The following PPP2R2B variants were observed in gnomAD, a reference collection of about 807,000 sequenced individuals.
PPP2R2B encodes protein phosphatase 2 regulatory subunit Bbeta.
PPP2R2B carries 5 observed loss-of-function variants against 46.0 expected under a neutral mutation model. The observed-to-expected ratio is 0.11, with a 90% CI of 0.06 to 0.23. PPP2R2B has a LOEUF of 0.23. Ranked by LOEUF, PPP2R2B falls within the 10% of genes least tolerant of loss-of-function variation. PPP2R2B has a pLI of 1.00. For missense variants in PPP2R2B, 367 were observed against 575.0 expected (o/e 0.64, Z 3.70); for synonymous variants, 215 against 206.7 (o/e 1.04, Z -0.34).
At chr5:147,007,940 G>A (rs566618319) in intron 1 of PPP2R2B, among the ~76,000 whole-genome samples, 3 of 152,254 alleles carry the variant, frequency 2.0e-5, no homozygotes, top group East Asian at 1.9e-4. Flanking sequence ...AGAATCCACT[G>A]GAAGGAACCA....
chr5:146,882,721 T>C (rs2151423460), upstream of PPP2R2B, among the ~76,000 whole-genome samples: 1 of 152,298 alleles, frequency 6.6e-6, no homozygotes, highest in South Asian at 2.1e-4. Context: ...GCAACATCAG[T>C]GTATAAGATG....
At chr5:146,720,943 G>A (rs917586025) in intron 2 of PPP2R2B, among the ~76,000 whole-genome samples, 4 of 152,166 alleles carry the variant, frequency 2.6e-5, no homozygotes, top group African/African-American at 9.7e-5. Flanking sequence ...CATGATAAAG[G>A]AATGATGGAG....
intron 4 of PPP2R2B, among the ~76,000 whole-genome samples, chr5:146,696,809 C>T (rs923689311): frequency 6.6e-6 from 1 of 152,168 alleles, no homozygotes; most frequent in African/African-American, 2.4e-5. Context: ...GACTTCTATG[C>T]TGGCTTTATA....
At chr5:146,661,737 A>G (rs1776685081) in intron 5 of PPP2R2B, among the ~76,000 whole-genome samples, 1 of 152,226 alleles carries the variant, frequency 6.6e-6, no homozygotes, top group African/African-American at 2.4e-5. Context: ...CAACTCATGC[A>G]GAAACCTGTA....
intron 2 of PPP2R2B, among the ~76,000 whole-genome samples, chr5:146,757,640 T>A (rs1353718498): frequency 1.3e-5 from 2 of 152,136 alleles, no homozygotes; most frequent in African/African-American, 2.4e-5. Flanking sequence ...CCCTGGAGTG[T>A]CCCAAATTTA....
At chr5:146,936,864 GT>G (rs200960195) in intron 1 of PPP2R2B, among the ~76,000 whole-genome samples, 2,709 of 137,142 alleles carry the variant, frequency 0.02, 60 homozygotes, top group African/African-American at 0.063. Flanking sequence ...GTGAGCCAGG[GT>G]TTTTTTTTTT....
At chr5:147,054,413 G>A (rs776428286) in intron 1 of PPP2R2B, among the ~76,000 whole-genome samples, 1 of 151,888 alleles carries the variant, frequency 6.6e-6, no homozygotes, top group Non-Finnish European at 1.5e-5. Flanking sequence ...TTCTCCACGA[G>A]GAAGAAAAGA....
At chr5:146,759,988 G>C (rs746720803) in intron 2 of PPP2R2B, among the ~76,000 whole-genome samples, 1 of 152,140 alleles carries the variant, frequency 6.6e-6, no homozygotes, top group East Asian at 1.9e-4. Context: ...AAGACAGTGA[G>C]AGCATCTGAT....
chr5:146,871,179 A>G (rs1582320105), intron 2 of PPP2R2B, among the ~76,000 whole-genome samples: 1 of 152,362 alleles, frequency 6.6e-6, no homozygotes, highest in South Asian at 2.1e-4. Context: ...TTATTAATGG[A>G]AGATGAGGGG....
chr5:146,604,729 G>C (rs903872232), intron 7 of PPP2R2B, among the ~76,000 whole-genome samples: 2 of 152,140 alleles, frequency 1.3e-5, no homozygotes, highest in Non-Finnish European at 2.9e-5. Flanking sequence ...CTTCTCATTT[G>C]TAGATAAGGA....
chr5:146,601,208 T>G (rs939797434), intron 7 of PPP2R2B, among the ~76,000 whole-genome samples: 6 of 152,346 alleles, frequency 3.9e-5, no homozygotes, highest in African/African-American at 1.4e-4. Context: ...TTGTTTCCAC[T>G]TTTTAGCTGC....
intron 1 of PPP2R2B, among the ~76,000 whole-genome samples, chr5:146,932,460 T>C (rs1444131934): frequency 1.3e-5 from 2 of 152,114 alleles, no homozygotes; most frequent in African/African-American, 2.4e-5. Context: ...GGAGGTCTCA[T>C]GGTTTTAAAA....
chr5:146,962,959 A>G (rs1010535647), intron 1 of PPP2R2B, among the ~76,000 whole-genome samples: 1 of 152,180 alleles, frequency 6.6e-6, no homozygotes, highest in Non-Finnish European at 1.5e-5. Flanking sequence ...AGGCACTCAG[A>G]CTTTCTTAGT....
intron 1 of PPP2R2B, among the ~76,000 whole-genome samples, chr5:146,900,494 CCTTTCTCCTTTCCTTTCTCCCTTT>C (rs1319011600): frequency 2.0e-5 from 3 of 151,796 alleles, no homozygotes; most frequent in East Asian, 1.9e-4. Flanking sequence ...CCTTTTCTTT[CCTTTCTCCTTTCCTTTCTCCCTTT>C]CTTTCTCCTT....
intron 2 of PPP2R2B, among the ~76,000 whole-genome samples, chr5:146,784,785 A>G (rs1398296084): frequency 1.3e-5 from 2 of 152,212 alleles, no homozygotes; most frequent in Admixed American, 6.5e-5. Flanking sequence ...ATCAGAAAAG[A>G]AGGTTCTATT....
chr5:146,778,883 C>A (rs748377209), intron 2 of PPP2R2B, among the ~76,000 whole-genome samples: 5 of 152,224 alleles, frequency 3.3e-5, no homozygotes, highest in Admixed American at 2.0e-4. Context: ...ATTAGTGGGG[C>A]AGGGCTGCCC....
chr5:147,020,375 C>T (rs948655197), intron 1 of PPP2R2B, among the ~76,000 whole-genome samples: 4 of 151,948 alleles, frequency 2.6e-5, no homozygotes, highest in Admixed American at 6.6e-5. Flanking sequence ...GGGTAGGAAA[C>T]ATGTTGACTT....
chr5:146,694,090 A>T (rs1779038591), intron 4 of PPP2R2B, among the ~76,000 whole-genome samples: 1 of 152,208 alleles, frequency 6.6e-6, no homozygotes, highest in Admixed American at 6.5e-5. Context: ...TGAAGCTGCC[A>T]GAAACAAATG....
At chr5:146,924,431 G>A (rs1378400346) in intron 1 of PPP2R2B, among the ~76,000 whole-genome samples, 1 of 152,126 alleles carries the variant, frequency 6.6e-6, no homozygotes, top group Non-Finnish European at 1.5e-5. Context: ...TGGTCTCTTG[G>A]ACTTCTGATT....
Sources: gnomAD v4.1 joint callset for allele counts (sites outside exome capture counted in the v4.1 genomes callset) on GRCh38, gnomAD v4.1.1 for gene constraint, MANE v1.5 for transcripts, NCBI Gene and HGNC (gene_info 2026-07-23, HGNC 2026-07-21) for gene names.